TULP2: variants seen among roughly 807,000 people sequenced by gnomAD.
TULP2 encodes tubby-related protein 2.
Under a neutral mutation model 60.3 loss-of-function variants are expected in TULP2, and 64 were observed. The ratio of observed to expected loss-of-function variants is 1.06; its 90% confidence interval spans 0.87 to 1.31. The LOEUF (loss-of-function observed/expected upper bound fraction) is 1.31. Among genes scored for constraint, TULP2 ranks in the 50% most tolerant of loss-of-function variants. The pLI is 0.00. For synonymous variants in TULP2, 267 were observed against 265.4 expected, an observed-to-expected ratio of 1.01 and a Z score of -0.06; for missense variants, 652 against 667.0, an observed-to-expected ratio of 0.98 and a Z score of 0.25.
At chr19:48,883,637 C>A in intron 11 of TULP2, 117 bp downstream of exon 11, 1 of 1,080,326 alleles carries the variant, frequency 9.3e-7, no homozygotes, top group Non-Finnish European at 1.4e-6. Flanking sequence ...CTTCATGTGA[C>A]ACCTGCAACC....
intron 9 of TULP2, among the ~76,000 whole-genome samples, chr19:48,884,449 A>G (rs2037161665): frequency 6.6e-6 from 1 of 151,354 alleles, no homozygotes; most frequent in Admixed American, 6.6e-5. Flanking sequence ...GTCTCTAAAT[A>G]AATATATAAA....
rs2037294941 is a variant in TULP2, at chr19:48,897,695, G to C, written c.32+142C>G. 1.0e-6 allele frequency: 1 copy of C among 998,408 alleles called. No homozygotes were observed. Among genetic ancestry groups the C allele is most frequent in the African/African-American group, 1.6e-5 (1 of 62,206 alleles). 61.8% of individuals were successfully genotyped at this position (998,408 alleles called of 1,614,324 possible). A position where few individuals can be genotyped will look rare whatever the true frequency, so the allele number is the denominator to read the frequency against. The stretch of plus-strand genomic sequence containing the variant: ...CTGCACCCTAGCCCCATCCCTTCAG[G>C]ACACAGGAGTCCAGGTCCCCAGCCC... On this transcript the variant is annotated intron_variant, in intron 2 of 12. Coordinates refer to ENST00000221399, the MANE Select transcript of TULP2 (RefSeq NM_003323.3). This position sits in a 1 kb window ranked among gnomAD's most constrained non-coding sequence, Gnocchi z 4.0.
In TULP2 at chr19:48,897,493, G is replaced by A. The variant is rs1455255339; in HGVS notation, c.33-97C>T. 2 of 1,327,976 alleles carry A rather than the reference G, an allele frequency of 1.5e-6. No homozygotes were observed. The highest frequency in any genetic ancestry group is 2.1e-6 in the Non-Finnish European group (2 of 941,364). 82.3% of individuals were successfully genotyped at this position (1,327,976 alleles called of 1,614,324 possible). A position where few individuals can be genotyped will look rare whatever the true frequency, so the allele number is the denominator to read the frequency against. ...CCATCCTGCCCCTATCTCAGCTTGG[G>A]TTCTGGGCACCTGTGAGGTCACAGG... is the stretch of plus-strand genomic sequence containing the variant. On this transcript the variant is annotated intron_variant, in intron 2 of 12. Coordinates refer to ENST00000221399, the MANE Select transcript of TULP2 (RefSeq NM_003323.3). This position sits in a 1 kb window ranked among gnomAD's most constrained non-coding sequence, Gnocchi z 4.0.
At chr19:48,890,044 C>T (rs1177389703) in intron 6 of TULP2, among the ~76,000 whole-genome samples, 2 of 152,170 alleles carry the variant, frequency 1.3e-5, no homozygotes, top group Non-Finnish European at 2.9e-5. Context: ...GTCCCCCAGC[C>T]CGACACCCGT....
chr19:48,886,381 A>G (rs143033639), intron 8 of TULP2, among the ~76,000 whole-genome samples: 1 of 151,686 alleles, frequency 6.6e-6, no homozygotes, highest in African/African-American at 2.4e-5. Context: ...GAAGCTTCCT[A>G]TCTTAATATC....
intron 7 of TULP2, among the ~76,000 whole-genome samples, chr19:48,888,938 C>T (rs2037207997): frequency 6.7e-6 from 1 of 148,984 alleles, no homozygotes; most frequent in Non-Finnish European, 1.5e-5. Context: ...TGGCCCTTTT[C>T]GATCAGTGTT....
intron 6 of TULP2, among the ~76,000 whole-genome samples, chr19:48,892,604 C>T (rs1485220678): frequency 2.6e-5 from 4 of 151,696 alleles, no homozygotes; most frequent in South Asian, 4.2e-4. Flanking sequence ...CCCGGGTTCA[C>T]GCCGTTTTAC....
rs908812757 is a variant in TULP2 at position 48,897,193 on chromosome 19, A to G, written c.84+152T>C. 2.3e-6 allele frequency: 2 copies of G among 879,244 alleles called. No individual in the cohort carries two copies. The allele number at this position is 879,244 out of a possible 1,614,324, so 54.5% of individuals were successfully genotyped here. ...CCGTGAGCTGCCCTGCCCGGCCCCA[A>G]ATTCCTATTTTCTCATTTCTCAGTG... On this transcript the variant is annotated intron_variant, in intron 3 of 12. Transcript: ENST00000221399. The surrounding 1 kb of genome is among the most constrained non-coding windows in gnomAD (Gnocchi z 4.0).
At chr19:48,898,117 G>A (rs945912186) in intron 1 of TULP2, among the ~76,000 whole-genome samples, 6 of 151,808 alleles carry the variant, frequency 4.0e-5, no homozygotes, top group Non-Finnish European at 5.9e-5. Context: ...GACTACAGGC[G>A]TCCGCTATTC....
chr19:48,881,953 T>C, intron 12 of TULP2, 79 bp downstream of exon 12: 1 of 1,588,420 alleles, frequency 6.3e-7, no homozygotes, highest in South Asian at 1.1e-5. Flanking sequence ...CAAGTGATGA[T>C]GGGAGATGTA....
intron 6 of TULP2, among the ~76,000 whole-genome samples, chr19:48,893,845 C>T (rs534376356): frequency 4.6e-5 from 7 of 152,080 alleles, no homozygotes; most frequent in East Asian, 1.9e-4. Context: ...TGAGCCACCG[C>T]GCCCAGCCAT....
chr19:48,889,436 T>C, intron 7 of TULP2, 74 bp downstream of exon 7: 1 of 1,492,554 alleles, frequency 6.7e-7, no homozygotes, highest in East Asian at 2.3e-5. Flanking sequence ...GGCAGAATTT[T>C]AGCCCCACCC....
At chr19:48,887,104 C>T (rs1484592387) in intron 8 of TULP2, among the ~76,000 whole-genome samples, 3 of 147,242 alleles carry the variant, frequency 2.0e-5, no homozygotes, top group East Asian at 2.0e-4. Context: ...CCTCCGCCTT[C>T]GAGTTTCAAG....
chr19:48,884,007 A>G lies in TULP2; in HGVS notation c.1101T>C (p.Asn367=), dbSNP rs1248645496. The change falls in exon 10 of 13, where the codon AAT becomes AAC. Residue 367 remains asparagine, a synonymous_variant. Coordinates refer to ENST00000221399, the MANE Select transcript of TULP2 (RefSeq NM_003323.3). ...AATGCTCCCGGTCAGGATTCACCCCATTGTCAAAGATGGTGAACTTGGTGC... is the reference window on the plus strand; with the variant it reads ...AATGCTCCCGGTCAGGATTCACCCCGTTGTCAAAGATGGTGAACTTGGTGC... ...VFSTKFTIFD[N]GVNPDREHLT... 1 of 1,613,934 alleles carries G rather than the reference A, an allele frequency of 6.2e-7. No homozygotes were observed. Among genetic ancestry groups the G allele is most frequent in the South Asian group, 1.1e-5 (1 of 91,082 alleles).
rs2037201126 is a variant in TULP2, at chr19:48,888,187, C to T, written c.711G>A (p.Glu237=). 1.5e-5 allele frequency: 24 copies of T among 1,614,184 alleles called. No homozygotes were observed. Among genetic ancestry groups the T allele is most frequent in the Non-Finnish European group, 2.0e-5 (24 of 1,180,012 alleles). ...GTNSSAAHNE[E]LSKALKGEGG... ...CCTCGCCTTTCAGGGCCTTGGACAA[C>T]TCTTCGTTGTGTGCTGCTGAGGAGT... Residue 237 remains glutamate, a synonymous_variant, in exon 8 of 13, where the codon GAG becomes GAA. Transcript: ENST00000221399.
chr19:48,883,643 C>T, intron 11 of TULP2, 111 bp downstream of exon 11: 1 of 1,184,376 alleles, frequency 8.4e-7, no homozygotes, highest in Non-Finnish European at 1.2e-6. Context: ...GTGACACCTG[C>T]AACCCACTGG....
chr19:48,888,018 T>G lies in TULP2; in HGVS notation c.880A>C (p.Lys294Gln). 1 of 1,614,216 alleles carries G rather than the reference T, an allele frequency of 6.2e-7. No individual in the cohort carries two copies. Among genetic ancestry groups the G allele is most frequent in the South Asian group, 1.1e-5 (1 of 91,082 alleles). ...AACAAGCCCTTGTCCACGCCGTGCT[T>G]GTCACGGGTGAGGTAGCACTGCATC... ...TMMQCYLTRD[K>Q]HGVDKGLFPL... is the part of the protein sequence containing the mutation. Residue 294 changes from lysine (K) to glutamine (Q), a missense_variant, in exon 8 of 13, where the codon AAG (lysine) becomes CAG (glutamine). Lys to Gln is a moderately conservative substitution (Grantham distance 53, BLOSUM62 1). Coordinates refer to ENST00000221399, the MANE Select transcript of TULP2 (RefSeq NM_003323.3).
At chr19:48,887,298 A>G (rs1361079182) in intron 8 of TULP2, among the ~76,000 whole-genome samples, 3 of 85,210 alleles carry the variant, frequency 3.5e-5, no homozygotes, top group Non-Finnish European at 5.4e-5. Flanking sequence ...AGTGTGAGCC[A>G]CCGCGCCCAG....
rs765176274 is a variant in TULP2 at position 48,888,090 on chromosome 19, C to T, written c.808G>A (p.Glu270Lys). 1.2e-6 allele frequency: 2 copies of T among 1,614,080 alleles called. No homozygotes were observed. The highest frequency in any genetic ancestry group is 1.3e-5 in the African/African-American group (1 of 74,936). The change falls in exon 8 of 13, where the codon GAG becomes AAG. Residue 270 changes from glutamate to lysine, a missense_variant. By Grantham distance (56) the Glu-to-Lys change is moderately conservative. Transcript: ENST00000221399. ...AIRSPCPGLEEDMEAYVLRPA... is the reference protein window; with the variant it reads ...AIRSPCPGLEKDMEAYVLRPA... ...CGCAGCACGTAGGCTTCCATGTCCT[C>T]CTCCAGCCCAGGGCAGGGGGAGCGG...
Sources: allele counts gnomAD v4.1 joint callset (sites outside exome capture counted in the v4.1 genomes callset), GRCh38; gene constraint gnomAD v4.1.1; non-coding constraint Gnocchi (gnomAD v3.1); transcripts MANE v1.5; gene names NCBI Gene and HGNC (gene_info 2026-07-23, HGNC 2026-07-21).